Variants in KCNQ5 observed in about 807,000 individuals in gnomAD.
KCNQ5 encodes the protein potassium voltage-gated channel subfamily Q member 5, also known as potassium voltage-gated channel subfamily KQT member 5.
Under a neutral mutation model 98.2 loss-of-function variants are expected in KCNQ5, and 30 were observed. The observed-to-expected ratio is 0.31, with a 90% CI of 0.23 to 0.41. The LOEUF is 0.41. Among genes scored for constraint, KCNQ5 ranks in the 10% least tolerant of loss-of-function variants. The pLI is 1.00. For synonymous variants in KCNQ5, 458 were observed against 449.4 expected (o/e 1.02, Z -0.24); for missense variants, 835 against 1,182.5 (o/e 0.71, Z 4.31).
chr6:73,108,842 T>TAAA (rs1233252481), intron 6 of KCNQ5, among the ~76,000 whole-genome samples: 1 of 151,674 alleles, frequency 6.6e-6, no homozygotes. Flanking sequence ...AAATAAAAAA[T>TAAA]AAAAAAAATA....
intron 1 of KCNQ5, among the ~76,000 whole-genome samples, chr6:72,900,548 G>A (rs1779456708): frequency 7.1e-6 from 1 of 141,250 alleles, no homozygotes; most frequent in African/African-American, 2.7e-5. Flanking sequence ...TTTATTCCCT[G>A]TTGATTGATG....
At chr6:72,820,322 A>T (rs1185438739) in intron 1 of KCNQ5, among the ~76,000 whole-genome samples, 4 of 152,150 alleles carry the variant, frequency 2.6e-5, no homozygotes, top group Non-Finnish European at 5.9e-5. Context: ...AACTGGTGAG[A>T]CTATGAACTG....
Position 72,862,120 on chromosome 6 carries a change from T to C in KCNQ5, c.399-141788T>C, listed in dbSNP as rs148224792. On this transcript the variant is annotated intron_variant, in intron 1 of 13. Coordinates refer to ENST00000370398, the MANE Select transcript of KCNQ5 (RefSeq NM_019842.4). Reference sequence around the variant, plus strand: ...GCAAGTTAACTGACTCCTGTCCTTCTGCCCCAATTCCAAATTCCTTGGAGA... The same window carrying C: ...GCAAGTTAACTGACTCCTGTCCTTCCGCCCCAATTCCAAATTCCTTGGAGA... 2.6e-5 allele frequency among the ~76,000 whole-genome samples: 4 copies of C among 152,296 alleles called. No individual in the cohort carries two copies. In the East Asian group the frequency reaches 7.7e-4, roughly 29 times the overall value.
At chr6:73,165,942 A>AT (rs1210117827) in intron 10 of KCNQ5, among the ~76,000 whole-genome samples, 1 of 151,536 alleles carries the variant, frequency 6.6e-6, no homozygotes, top group African/African-American at 2.4e-5. Flanking sequence ...CTCAAAAAAA[A>AT]GAAAAAAAAA....
At chr6:72,917,043 C>T (rs976089526) in intron 1 of KCNQ5, among the ~76,000 whole-genome samples, 1 of 152,164 alleles carries the variant, frequency 6.6e-6, no homozygotes, top group African/African-American at 2.4e-5. Flanking sequence ...AAGGCATCAG[C>T]GTTCTTACAC....
At chr6:72,823,671 A>G (rs576513832) in intron 1 of KCNQ5, among the ~76,000 whole-genome samples, 2 of 152,160 alleles carry the variant, frequency 1.3e-5, no homozygotes, top group Non-Finnish European at 2.9e-5. Flanking sequence ...AGTCTTTCAG[A>G]TGCTTCACAC....
intron 7 of KCNQ5, among the ~76,000 whole-genome samples, chr6:73,113,277 T>G (rs1775329983): frequency 6.6e-6 from 1 of 152,250 alleles, no homozygotes; most frequent in South Asian, 2.1e-4. Flanking sequence ...GTGCAGAAGT[T>G]ATTGCATGGG....
intron 2 of KCNQ5, among the ~76,000 whole-genome samples, chr6:73,023,825 G>T (rs1256960604): frequency 6.6e-6 from 1 of 152,106 alleles, no homozygotes; most frequent in African/African-American, 2.4e-5. Flanking sequence ...AGGACTTATT[G>T]ATATTAATTA....
chr6:73,087,910 C>T (rs1005212823), intron 5 of KCNQ5, among the ~76,000 whole-genome samples: 1 of 152,128 alleles, frequency 6.6e-6, no homozygotes, highest in Non-Finnish European at 1.5e-5. Context: ...GGTAAGGTGG[C>T]ATGACCAGAG....
intron 1 of KCNQ5, among the ~76,000 whole-genome samples, chr6:72,817,427 A>T (rs1325592697): frequency 6.6e-6 from 1 of 152,236 alleles, no homozygotes; most frequent in Non-Finnish European, 1.5e-5. Flanking sequence ...ACATGATGCT[A>T]CAGCACTAGT....
chr6:72,789,496 A>T (rs1205505276), intron 1 of KCNQ5, among the ~76,000 whole-genome samples: 1 of 152,214 alleles, frequency 6.6e-6, no homozygotes, highest in Non-Finnish European at 1.5e-5. Flanking sequence ...GATACATACA[A>T]AAACTTCACT....
chr6:72,904,603 G>A (rs565589965), intron 1 of KCNQ5, among the ~76,000 whole-genome samples: 4 of 152,038 alleles, frequency 2.6e-5, no homozygotes, highest in Non-Finnish European at 5.9e-5. Flanking sequence ...TGAAAAAGAC[G>A]ATCTTTCCTT....
chr6:73,175,576 TA>T (rs1778181976), intron 11 of KCNQ5, among the ~76,000 whole-genome samples: 1 of 152,202 alleles, frequency 6.6e-6, no homozygotes, highest in Admixed American at 6.5e-5. Context: ...AGCAACAGGA[TA>T]ATGAAAGGGA....
intron 1 of KCNQ5, among the ~76,000 whole-genome samples, chr6:72,674,184 G>GTCTA (rs1164601364): frequency 6.6e-6 from 1 of 151,888 alleles, no homozygotes; most frequent in Non-Finnish European, 1.5e-5. Context: ...CTGCCTATCT[G>GTCTA]TCTATCTATC....
chr6:72,852,064 A>G (rs1302303224), intron 1 of KCNQ5, among the ~76,000 whole-genome samples: 1 of 152,262 alleles, frequency 6.6e-6, no homozygotes, highest in East Asian at 1.9e-4. Flanking sequence ...ATTAATTAAT[A>G]AACAGCAAGG....
intron 3 of KCNQ5, 188 bp downstream of exon 3, chr6:73,042,250 T>G: frequency 1.6e-6 from 1 of 634,384 alleles, no homozygotes; most frequent in Non-Finnish European, 2.8e-6. Context: ...GAGGTAGATA[T>G]TTTTATTATC....
At chr6:72,716,943 A>T (rs191009840) in intron 1 of KCNQ5, among the ~76,000 whole-genome samples, 1 of 152,340 alleles carries the variant, frequency 6.6e-6, no homozygotes, top group East Asian at 1.9e-4. Flanking sequence ...CACCTACTCC[A>T]TGCCAAAGAG....
At chr6:73,042,308 T>A in intron 3 of KCNQ5, 1 of 503,730 alleles carries the variant, frequency 2.0e-6, no homozygotes, top group Non-Finnish European at 3.6e-6. Flanking sequence ...CGGAGTTAGT[T>A]GCTGAATGTC....
intron 1 of KCNQ5, among the ~76,000 whole-genome samples, chr6:72,768,217 G>A (rs1460352822): frequency 2.0e-5 from 3 of 151,912 alleles, no homozygotes; most frequent in Admixed American, 2.0e-4. Flanking sequence ...AGAGGGAACC[G>A]TCAGCTGAAA....
Sources: gnomAD v4.1 joint callset for allele counts (sites outside exome capture counted in the v4.1 genomes callset) on GRCh38, gnomAD v4.1.1 for gene constraint, MANE v1.5 for transcripts, NCBI Gene and HGNC (gene_info 2026-07-23, HGNC 2026-07-21) for gene names.